Variants in BMPER observed in about 807,000 individuals in gnomAD.
The protein encoded by BMPER is BMP-binding endothelial regulator protein.
In BMPER, 45 loss-of-function variants were observed where a neutral mutation model predicts 87.3. The observed-to-expected ratio is 0.52, with a 90% CI of 0.41 to 0.66. The LOEUF (loss-of-function observed/expected upper bound fraction) is 0.66. Ranked by LOEUF, BMPER falls within the 30% of genes least tolerant of loss-of-function variation. BMPER has a pLI of 0.00. For synonymous variants in BMPER, 326 were observed against 316.2 expected, an observed-to-expected ratio of 1.03 and a Z score of -0.33; for missense variants, 784 against 867.5, an observed-to-expected ratio of 0.90 and a Z score of 1.21.
chr7:33,941,982 G>A (rs1048950500), intron 3 of BMPER, among the ~76,000 whole-genome samples: 9 of 152,140 alleles, frequency 5.9e-5, no homozygotes, highest in East Asian at 1.9e-4. Context: ...GGCCTCTTGC[G>A]GAGGTGCACA....
chr7:33,917,644 C>A (rs1784118038), intron 2 of BMPER, among the ~76,000 whole-genome samples: 1 of 152,064 alleles, frequency 6.6e-6, no homozygotes, highest in Admixed American at 6.6e-5. Flanking sequence ...AATGATGGTA[C>A]CCAGAGTCAC....
chr7:33,990,407 CT>C (rs1270392285), intron 6 of BMPER, among the ~76,000 whole-genome samples: 1 of 138,450 alleles, frequency 7.2e-6, no homozygotes, highest in African/African-American at 2.7e-5. Context: ...CATGATTTGG[CT>C]CTCTGTTTGT....
At position 34,055,075 on chromosome 7, in the gene BMPER, A is replaced by C. The variant is rs17169636; in HGVS notation, c.787-88A>C. Reference sequence around the variant, plus strand: ...GTACCTTACAGACTTTGACACAGATAGTTATGAGTTATGAAAGGAAGGCCA... The same window carrying C: ...GTACCTTACAGACTTTGACACAGATCGTTATGAGTTATGAAAGGAAGGCCA... On this transcript the variant is annotated intron_variant, in intron 8 of 14. Transcript: ENST00000649409. 0.075 allele frequency: 116,517 copies of C among 1,550,998 alleles called. 5,272 individuals carry two copies. Among genetic ancestry groups the C allele is most frequent in the African/African-American group, 0.16 (11,918 of 73,632 alleles).
In BMPER at chr7:34,153,319, C is replaced by A; in HGVS notation, c.*46C>A. 6.2e-7 allele frequency: 1 copy of A among 1,607,210 alleles called. No homozygotes were observed. The highest frequency in any genetic ancestry group is 8.5e-7 in the Non-Finnish European group (1 of 1,174,822). Reference sequence around the variant, plus strand: ...ACTCTGAAATCTGGTGACTTTGACACTGAAGCGGAAGAGCCAATGAAGGAC... The same window carrying A: ...ACTCTGAAATCTGGTGACTTTGACAATGAAGCGGAAGAGCCAATGAAGGAC... On this transcript the variant is annotated 3_prime_UTR_variant, in exon 15 of 15. Transcript: ENST00000649409.
intron 3 of BMPER, among the ~76,000 whole-genome samples, chr7:33,942,137 T>G (rs1784784151): frequency 6.6e-6 from 1 of 151,626 alleles, no homozygotes; most frequent in African/African-American, 2.4e-5. Flanking sequence ...AGGTTACCCT[T>G]GAATATTGTT....
rs561313096 is a variant in BMPER, at chr7:34,035,220, A to G, written c.577-11086A>G. Among the ~76,000 whole-genome samples, 29 of 152,320 alleles carry G rather than the reference A, an allele frequency of 1.9e-4. No individual in the cohort carries two copies. In the South Asian group the frequency reaches 5.6e-3, roughly 29 times the overall value. The stretch of plus-strand genomic sequence containing the variant: ...GGAGGCCACGGAGTGTTTACTATAG[A>G]ACTTCATGACATTGTACTTACAACA... On this transcript the variant is annotated intron_variant, in intron 6 of 14. Coordinates refer to ENST00000649409, the MANE Select transcript of BMPER (RefSeq NM_001365308.1).
chr7:34,099,651 A>G (rs1345345), intron 13 of BMPER, among the ~76,000 whole-genome samples: 111,423 of 152,126 alleles, frequency 0.73, 41,285 homozygotes, highest in East Asian at 0.93. Flanking sequence ...TTCTTAAGAT[A>G]ATACACATTC....
chr7:34,080,710 A>C (rs1261493254), intron 12 of BMPER, among the ~76,000 whole-genome samples: 1 of 152,222 alleles, frequency 6.6e-6, no homozygotes, highest in Non-Finnish European at 1.5e-5. Flanking sequence ...ACTATTTGCA[A>C]GCTAGCTGAA....
intron 2 of BMPER, among the ~76,000 whole-genome samples, chr7:33,929,903 T>C (rs575166069): frequency 6.6e-6 from 1 of 152,356 alleles, no homozygotes; most frequent in South Asian, 2.1e-4. Context: ...GAAAACACTA[T>C]GTTACTTCAT....
intron 7 of BMPER, among the ~76,000 whole-genome samples, chr7:34,051,369 C>G (rs1788142521): frequency 6.6e-6 from 1 of 152,144 alleles, no homozygotes; most frequent in Non-Finnish European, 1.5e-5. Flanking sequence ...CTACCTCCAC[C>G]CACCTCCCCC....
At chr7:33,916,491 A>G (rs1784089246) in intron 2 of BMPER, among the ~76,000 whole-genome samples, 1 of 152,186 alleles carries the variant, frequency 6.6e-6, no homozygotes, top group African/African-American at 2.4e-5. Context: ...CCAGCAAACC[A>G]CAGGCACTAG....
intron 6 of BMPER, among the ~76,000 whole-genome samples, chr7:34,006,194 C>T (rs530524800): frequency 9.2e-5 from 14 of 151,964 alleles, no homozygotes; most frequent in South Asian, 2.1e-4. Flanking sequence ...AAAATATGTT[C>T]GAAATAGGAA....
In BMPER at chr7:34,109,034, A is replaced by G. The variant is rs1157572601; in HGVS notation, c.1745+22942A>G. On this transcript the variant is annotated intron_variant, in intron 13 of 14. Coordinates refer to ENST00000649409, the MANE Select transcript of BMPER (RefSeq NM_001365308.1). ...TAAAAGAGATTTCTTATAAGGAATTAGCTTACACAACTATGGAGTCTGACA... is the reference window on the plus strand; with the variant it reads ...TAAAAGAGATTTCTTATAAGGAATTGGCTTACACAACTATGGAGTCTGACA... Among the ~76,000 whole-genome samples the G allele has an allele frequency of 3.3e-5, 5 of 152,340 alleles. No individual in the cohort carries two copies. In the South Asian group the frequency reaches 6.2e-4, roughly 19 times the overall value.
chr7:33,916,870 C>CA (rs75259386), intron 2 of BMPER, among the ~76,000 whole-genome samples: 5 of 152,034 alleles, frequency 3.3e-5, no homozygotes, highest in Non-Finnish European at 7.4e-5. Context: ...ATAGCTCCCC[C>CA]CAGAATGGAA....
At chr7:33,949,534 A>G (rs1018321797) in intron 3 of BMPER, among the ~76,000 whole-genome samples, 1 of 151,876 alleles carries the variant, frequency 6.6e-6, no homozygotes, top group East Asian at 1.9e-4. Flanking sequence ...CTAACCTGTA[A>G]CTTAAAACAT....
chr7:34,136,446 A>G (rs1790720974), intron 13 of BMPER, among the ~76,000 whole-genome samples: 1 of 152,182 alleles, frequency 6.6e-6, no homozygotes, highest in South Asian at 2.1e-4. Context: ...CATGCAACTC[A>G]GATTAGGGAA....
chr7:34,117,148 GA>G (rs1481970743), intron 13 of BMPER, among the ~76,000 whole-genome samples: 1 of 152,174 alleles, frequency 6.6e-6, no homozygotes, highest in Non-Finnish European at 1.5e-5. Flanking sequence ...CCCCCAATCA[GA>G]ACCTCATCTA....
chr7:34,153,507 A>G lies in BMPER; in HGVS notation c.*234A>G. ...AGACATGTATTGTTTCTAGGATCCTAACCTGTAAGCCATTGAACATGTTGT... is the reference window on the plus strand; with the variant it reads ...AGACATGTATTGTTTCTAGGATCCTGACCTGTAAGCCATTGAACATGTTGT... On this transcript the variant is annotated 3_prime_UTR_variant, in exon 15 of 15. Coordinates refer to ENST00000649409, the MANE Select transcript of BMPER (RefSeq NM_001365308.1). 2.0e-6 allele frequency: 1 copy of G among 506,094 alleles called. No individual in the cohort carries two copies. The highest frequency in any genetic ancestry group is 1.9e-5 in the African/African-American group (1 of 52,218). The allele number at this position is 506,094 out of a possible 1,614,324, so 31.4% of individuals were successfully genotyped here. A position where few individuals can be genotyped will look rare whatever the true frequency, so the allele number is the denominator to read the frequency against.
intron 4 of BMPER, among the ~76,000 whole-genome samples, chr7:33,967,399 C>T (rs1270789449): frequency 3.3e-5 from 5 of 152,172 alleles, no homozygotes; most frequent in Non-Finnish European, 7.3e-5. Context: ...TTTCTCTTTG[C>T]TCTTATCTTA....
Sources: gnomAD v4.1 joint callset for allele counts (sites outside exome capture counted in the v4.1 genomes callset) on GRCh38, gnomAD v4.1.1 for gene constraint, MANE v1.5 for transcripts, NCBI Gene and HGNC (gene_info 2026-07-23, HGNC 2026-07-21) for gene names.